Variants in PRCD observed in about 807,000 individuals in gnomAD.
PRCD encodes the protein photoreceptor disc component.
In PRCD, 12 loss-of-function variants were observed where a neutral mutation model predicts 10.1. That is an observed-to-expected ratio of 1.18 (90% confidence interval 0.76 to 1.92). The LOEUF is 1.92. Among genes scored for constraint, PRCD ranks in the 40% most tolerant of loss-of-function variants. The pLI, the probability that PRCD is intolerant of heterozygous loss-of-function variation, is 0.00. For synonymous variants in PRCD, 31 were observed against 26.2 expected (o/e 1.18, Z -0.56); for missense variants, 61 against 72.2 (o/e 0.84, Z 0.56).
chr17:76,541,061 C>T (rs917653376), intron 2 of PRCD, among the ~76,000 whole-genome samples: 1 of 152,164 alleles, frequency 6.6e-6, no homozygotes, highest in Non-Finnish European at 1.5e-5. Flanking sequence ...CTGGGCAGAC[C>T]CTGCGGGCAG....
chr17:76,549,298 C>CA (rs2075084769), downstream of PRCD, among the ~76,000 whole-genome samples: 1 of 152,308 alleles, frequency 6.6e-6, no homozygotes, highest in South Asian at 2.1e-4. Context: ...GACACTACAA[C>CA]AAAAAATAAA....
chr17:76,552,901 A>ACATGTATATGT (rs370421861), intron 1 of PRCD: 1 of 108,102 alleles, frequency 9.3e-6, no homozygotes, highest in Non-Finnish European at 1.8e-5. Flanking sequence ...TATATATAAA[A>ACATGTATATGT]ATATATATAT....
chr17:76,543,678 T>C, intron 4 of PRCD, 125 bp from the exon 5 acceptor site: 1 of 447,806 alleles, frequency 2.2e-6, no homozygotes, highest in South Asian at 1.6e-5. Context: ...TGGGGGTGGT[T>C]TGCTGGCCTG....
chr17:76,532,872 C>G (rs1359715218), intron 1 of PRCD, among the ~76,000 whole-genome samples: 1 of 152,200 alleles, frequency 6.6e-6, no homozygotes, highest in Non-Finnish European at 1.5e-5. Context: ...CCTGTCGGGG[C>G]TGGATGTCAT....
intron 1 of PRCD, chr17:76,527,962 G>T (rs2074786797): frequency 1.9e-5 from 7 of 373,396 alleles, no homozygotes; most frequent in Non-Finnish European, 3.8e-5. Context: ...CCCCAGCCCT[G>T]CCCCTCCAGG....
chr17:76,545,462 G>A, downstream of PRCD: 1 of 437,272 alleles, frequency 2.3e-6, no homozygotes, highest in South Asian at 1.6e-5. Context: ...AGGGGCTTGG[G>A]AGAGGGCAGA....
In PRCD at chr17:76,528,399, C is replaced by T. The variant is rs918855458; in HGVS notation, n.45+566C>T. 1.2e-5 allele frequency: 6 copies of T among 505,112 alleles called. No individual in the cohort carries two copies. Among genetic ancestry groups the T allele is most frequent in the African/African-American group, 4.0e-5 (2 of 50,492 alleles). 31.3% of individuals were successfully genotyped at this position (505,112 alleles called of 1,614,324 possible). On this transcript the variant is annotated intron_variant and non_coding_transcript_variant, in intron 1 of 4. Transcript: ENST00000397633. The surrounding 1 kb of genome is among the most constrained non-coding windows in gnomAD (Gnocchi z 5.8). ...CTGGGGTCAGCATCCAGGCAGCCAG[C>T]GCCGCCTCCCAGCAGCTCCAGGGGG...
At position 76,530,787 on chromosome 17, in the gene PRCD, A is replaced by G. The variant is rs932354196; in HGVS notation, n.45+2954A>G. ...GGGCTCATGGCTCTGAGCAGCCTGA[A>G]GTCACAGGGGAGCCATCTTGAAGGC... is the stretch of plus-strand genomic sequence containing the variant. On this transcript the variant is annotated intron_variant and non_coding_transcript_variant, in intron 1 of 4. Coordinates refer to the PRCD transcript ENST00000397633. This position sits in a 1 kb window ranked among gnomAD's most constrained non-coding sequence, Gnocchi z 6.1. 2.0e-5 allele frequency among the ~76,000 whole-genome samples: 3 copies of G among 152,078 alleles called. No individual in the cohort carries two copies. The highest frequency in any genetic ancestry group is 2.9e-5 in the Non-Finnish European group (2 of 67,990).
chr17:76,528,445 G>A lies in PRCD; in HGVS notation n.45+612G>A, dbSNP rs1188674650. On this transcript the variant is annotated intron_variant and non_coding_transcript_variant, in intron 1 of 4. Transcript: ENST00000397633. The surrounding 1 kb of genome is among the most constrained non-coding windows in gnomAD (Gnocchi z 5.8). ...GGGGGGGACCCTGGCCGCCACAGAG[G>A]CCTCCTTCGGGGAAGTTGAGTCAGG... 6 of 851,240 alleles carry A rather than the reference G, an allele frequency of 7.0e-6. No homozygotes were observed. Among genetic ancestry groups the A allele is most frequent in the Non-Finnish European group, 9.6e-6 (6 of 625,056 alleles). The allele number at this position is 851,240 out of a possible 1,614,324, so 52.7% of individuals were successfully genotyped here.
chr17:76,540,683 T>TCCTGGC lies in PRCD; in HGVS notation c.143+114_143+119dup. 9.2e-7 allele frequency: 1 copy of TCCTGGC among 1,085,836 alleles called. No homozygotes were observed. The highest frequency in any genetic ancestry group is 1.4e-6 in the Non-Finnish European group (1 of 720,686). The allele number at this position is 1,085,836 out of a possible 1,614,324, so 67.3% of individuals were successfully genotyped here. On this transcript the variant is annotated intron_variant, in intron 2 of 4. Coordinates refer to ENST00000592014, the MANE Select transcript of PRCD (RefSeq NM_001077620.3). This position sits in a 1 kb window ranked among gnomAD's most constrained non-coding sequence, Gnocchi z 5.0. ...TGTGCGCGCCTGTGCGTGCACCGTATCCTGGCCCTTGCCCTAAGCACCCTG... is the reference window on the plus strand; with the variant it reads ...TGTGCGCGCCTGTGCGTGCACCGTATCCTGGCCCTGGCCCTTGCCCTAAGCACCCTG...
At position 76,540,556 on chromosome 17, in the gene PRCD, C is replaced by A. The variant is rs781553592; in HGVS notation, c.126C>A (p.Asp42Glu). 6 of 1,613,452 alleles carry A rather than the reference C, an allele frequency of 3.7e-6. No homozygotes were observed. The South Asian group carries it at 4.4e-5, about 12-fold the overall frequency. ...CTAGGGGCAGCAGCTTGGATGCGGA[C>A]CCTCAGTCCTCAGGCAGGTAAGGCA... ...GAARGSSLDA[D>E]PQSSGREKEP... The change falls in exon 2 of 5, where the codon GAC (aspartate) becomes GAA (glutamate). Residue 42 changes from aspartate to glutamate, a missense_variant. Physicochemically the swap from Asp to Glu is conservative, Grantham distance 45 (BLOSUM62 2). Transcript: ENST00000592014. This position sits in a 1 kb window ranked among gnomAD's most constrained non-coding sequence, Gnocchi z 5.0.
At chr17:76,532,730 T>C (rs562228309) in intron 1 of PRCD, among the ~76,000 whole-genome samples, 6 of 151,590 alleles carry the variant, frequency 4.0e-5, no homozygotes, top group Non-Finnish European at 7.4e-5. Flanking sequence ...AGAGACAGGG[T>C]TTCACCATGT....
At chr17:76,534,419 T>C (rs1463964492) in intron 1 of PRCD, among the ~76,000 whole-genome samples, 1 of 152,236 alleles carries the variant, frequency 6.6e-6, no homozygotes, top group Admixed American at 6.5e-5. Context: ...CCTCCGGTGA[T>C]CTGCCTGCCT....
chr17:76,549,609 A>G (rs534089064), downstream of PRCD, among the ~76,000 whole-genome samples: 4 of 152,364 alleles, frequency 2.6e-5, no homozygotes, highest in South Asian at 8.3e-4. Context: ...TACATCCACA[A>G]AAAAGACTGC....
At position 76,540,170 on chromosome 17, in the gene PRCD, C is replaced by A. The variant is rs1201369416; in HGVS notation, c.29C>A (p.Thr10Asn). The A allele has an allele frequency of 6.2e-7, 1 of 1,608,218 alleles. No individual in the cohort carries two copies. Among genetic ancestry groups the A allele is most frequent in the Non-Finnish European group, 8.5e-7 (1 of 1,178,034 alleles). ...TGCACCACCCTTTTCCTGCTCAGCACCCTGGCCATGCTCTGGCGCCGCCGA... is the reference window on the plus strand; with the variant it reads ...TGCACCACCCTTTTCCTGCTCAGCAACCTGGCCATGCTCTGGCGCCGCCGA... The part of the protein sequence containing the change: MCTTLFLLS[T>N]LAMLWRRRFA... Residue 10 changes from threonine to asparagine, a missense_variant, in exon 1 of 5, where the codon ACC (threonine) becomes AAC (asparagine). Transcript: ENST00000592014. This position sits in a 1 kb window ranked among gnomAD's most constrained non-coding sequence, Gnocchi z 5.0.
Position 76,543,956 on chromosome 17 carries a change from C to T in PRCD, c.*306C>T, listed in dbSNP as rs1438981947. The T allele has an allele frequency of 1.7e-5, 8 of 467,776 alleles. No homozygotes were observed. The highest frequency in any genetic ancestry group is 3.1e-5 in the Non-Finnish European group (7 of 227,054). 29.0% of individuals were successfully genotyped at this position (467,776 alleles called of 1,614,324 possible). ...CTGTATGTGTGCAAGCGCGTGTGTT[C>T]CAAACGGGCAGTAGCGTGTGGGAAG... On this transcript the variant is annotated 3_prime_UTR_variant, in exon 5 of 5. Coordinates refer to ENST00000592014, the MANE Select transcript of PRCD (RefSeq NM_001077620.3).
chr17:76,549,174 G>A (rs1316896000), downstream of PRCD, among the ~76,000 whole-genome samples: 1 of 152,222 alleles, frequency 6.6e-6, no homozygotes, highest in Non-Finnish European at 1.5e-5. Context: ...AAGACTAGGA[G>A]TAAATATTTG....
At chr17:76,552,059 C>T (rs1445852711) in intron 1 of PRCD, 1 of 152,020 alleles carries the variant, frequency 6.6e-6, no homozygotes, top group Non-Finnish European at 1.5e-5. Flanking sequence ...CACATGAGCT[C>T]ATTTTCTGTA....
chr17:76,541,318 G>C (rs987786278), intron 2 of PRCD, among the ~76,000 whole-genome samples: 2 of 152,194 alleles, frequency 1.3e-5, no homozygotes, highest in African/African-American at 4.8e-5. Context: ...TCTGAAGAGT[G>C]ACTTTTTTGC....
Sources: gnomAD v4.1 joint callset for allele counts (sites outside exome capture counted in the v4.1 genomes callset) on GRCh38, gnomAD v4.1.1 for gene constraint, Gnocchi (gnomAD v3.1) non-coding constraint, MANE v1.5 for transcripts, NCBI Gene and HGNC (gene_info 2026-07-23, HGNC 2026-07-21) for gene names.